Variants in AGPS observed in about 807,000 individuals in gnomAD.
AGPS encodes alkyldihydroxyacetonephosphate synthase, peroxisomal.
In AGPS, 26 loss-of-function variants were observed where a neutral mutation model predicts 90.7. That is an observed-to-expected ratio of 0.29 (90% CI 0.21 to 0.40). The LOEUF is 0.40. Among genes scored for constraint, AGPS ranks in the 10% least tolerant of loss-of-function variants. The pLI is 1.00. For missense variants in AGPS, 540 were observed against 816.1 expected (o/e 0.66, Z 4.12); for synonymous variants, 294 against 285.3 (o/e 1.03, Z -0.31).
At chr2:177,473,545 A>G (rs927387684) in intron 10 of AGPS, among the ~76,000 whole-genome samples, 4 of 152,232 alleles carry the variant, frequency 2.6e-5, no homozygotes, top group South Asian at 2.1e-4. Flanking sequence ...TTTGGAAACA[A>G]TTATACAAAG....
intron 3 of AGPS, among the ~76,000 whole-genome samples, chr2:177,434,997 G>GTATATATATATATATATA (rs1553509324): frequency 3.4e-4 from 44 of 128,114 alleles, no homozygotes; most frequent in South Asian, 7.7e-4. Flanking sequence ...TAAACTGTAG[G>GTATATATATATATATATA]TATATATATA....
At chr2:177,444,564 G>A (rs1318647633) in intron 7 of AGPS, among the ~76,000 whole-genome samples, 1 of 152,068 alleles carries the variant, frequency 6.6e-6, no homozygotes, top group Non-Finnish European at 1.5e-5. Context: ...TGTGAATTAA[G>A]CAGTGCAGTT....
chr2:177,448,119 T>G (rs1686830559), intron 8 of AGPS, among the ~76,000 whole-genome samples: 1 of 152,048 alleles, frequency 6.6e-6, no homozygotes, highest in African/African-American at 2.4e-5. Flanking sequence ...ACTAATAACC[T>G]CACATTATCT....
intron 14 of AGPS, among the ~76,000 whole-genome samples, chr2:177,500,020 A>G (rs77513622): frequency 1.3e-5 from 2 of 152,020 alleles, no homozygotes; most frequent in Non-Finnish European, 2.9e-5. Context: ...TTTTTACATT[A>G]ATGTCAATTT....
intron 10 of AGPS, among the ~76,000 whole-genome samples, chr2:177,473,297 C>T (rs1405451085): frequency 6.6e-6 from 1 of 152,108 alleles, no homozygotes; most frequent in East Asian, 1.9e-4. Context: ...AATCAAATGC[C>T]TGCTGTGCTT....
intron 17 of AGPS, among the ~76,000 whole-genome samples, chr2:177,515,696 A>G (rs914463433): frequency 9.9e-5 from 15 of 152,200 alleles, no homozygotes; most frequent in Non-Finnish European, 1.5e-4. Context: ...TAGAATTAGT[A>G]TATTTAGACT....
intron 1 of AGPS, among the ~76,000 whole-genome samples, chr2:177,397,936 C>T (rs1685231882): frequency 6.6e-6 from 1 of 151,996 alleles, no homozygotes; most frequent in Non-Finnish European, 1.5e-5. Flanking sequence ...GAGGCTGAGG[C>T]GGGAGGATTG....
At position 177,539,914 on chromosome 2, in the gene AGPS, G is replaced by A. The variant is rs182366015; in HGVS notation, c.*1719G>A. 982 of 151,184 alleles carry A rather than the reference G, an allele frequency of 6.5e-3. 9 individuals are homozygous for A. The highest frequency in any genetic ancestry group is 0.023 in the African/African-American group (941 of 41,090). 9.4% of individuals were successfully genotyped at this position (151,184 alleles called of 1,614,324 possible). A position where few individuals can be genotyped will look rare whatever the true frequency, so the allele number is the denominator to read the frequency against. On this transcript the variant is annotated 3_prime_UTR_variant, in exon 20 of 20. Transcript: ENST00000264167. ...TTTGACCTAGTTGGACACTTGATGA[G>A]GAAGTTGCCTCTAGAATTATAAAAA... is the stretch of plus-strand genomic sequence containing the variant.
intron 14 of AGPS, among the ~76,000 whole-genome samples, chr2:177,503,882 C>T (rs1688633306): frequency 6.6e-6 from 1 of 152,034 alleles, no homozygotes; most frequent in African/African-American, 2.4e-5. Context: ...TGGTTTGTCT[C>T]CCTGGATCCT....
At position 177,534,008 on chromosome 2, in the gene AGPS, A is replaced by G. The variant is rs573712051; in HGVS notation, c.1856-4066A>G. 5.4e-4 allele frequency among the ~76,000 whole-genome samples: 83 copies of G among 152,342 alleles called. 1 individual carries two copies. In the Middle Eastern group the frequency reaches 0.01, roughly 19 times the overall value. On this transcript the variant is annotated intron_variant, in intron 19 of 19. Transcript: ENST00000264167. ...ATCTTCTAAATGTATGGCCCATTTCATAATTTGTTCTTTTTAATAAGTCTA... is the reference window on the plus strand; with the variant it reads ...ATCTTCTAAATGTATGGCCCATTTCGTAATTTGTTCTTTTTAATAAGTCTA...
chr2:177,500,884 G>A (rs1373127671), intron 14 of AGPS, among the ~76,000 whole-genome samples: 1 of 151,992 alleles, frequency 6.6e-6, no homozygotes, highest in Non-Finnish European at 1.5e-5. Flanking sequence ...TGAATTTCAG[G>A]TCATCTCATT....
intron 2 of AGPS, among the ~76,000 whole-genome samples, chr2:177,427,675 C>T (rs60670838): frequency 0.11 from 17,026 of 151,984 alleles, 1,223 homozygotes; most frequent in East Asian, 0.34. Context: ...TGATTCTAAC[C>T]TGATTGTGTT....
chr2:177,534,853 C>T (rs910193340), intron 19 of AGPS, among the ~76,000 whole-genome samples: 1 of 151,242 alleles, frequency 6.6e-6, no homozygotes, highest in African/African-American at 2.4e-5. Flanking sequence ...CCCACCTCAG[C>T]CTCCCAAAAT....
chr2:177,462,956 C>T (rs1687344325), intron 9 of AGPS, among the ~76,000 whole-genome samples: 1 of 152,116 alleles, frequency 6.6e-6, no homozygotes, highest in Non-Finnish European at 1.5e-5. Context: ...TTCAACTCTA[C>T]CGTGATTTTA....
At chr2:177,502,581 T>C (rs1688592772) in intron 14 of AGPS, among the ~76,000 whole-genome samples, 1 of 151,704 alleles carries the variant, frequency 6.6e-6, no homozygotes, top group East Asian at 1.9e-4. Context: ...CATGCCTGGC[T>C]AATTTTTGTG....
rs189520134 is a variant in AGPS at position 177,480,921 on chromosome 2, A to G, written c.1106-1138A>G. ...CTATTTTGTATTAAAATATTTATCA[A>G]GCCAAACTTGCAGAGCTTTTATGAT... On this transcript the variant is annotated intron_variant, in intron 10 of 19. Transcript: ENST00000264167. Among the ~76,000 whole-genome samples the G allele has an allele frequency of 4.7e-3, 719 of 152,234 alleles. 6 individuals are homozygous for G. Among genetic ancestry groups the G allele is most frequent in the African/African-American group, 0.016 (651 of 41,566 alleles).
chr2:177,501,446 G>A (rs1419638784), intron 14 of AGPS, among the ~76,000 whole-genome samples: 1 of 152,068 alleles, frequency 6.6e-6, no homozygotes, highest in Non-Finnish European at 1.5e-5. Flanking sequence ...TATAGGGCAT[G>A]ACCTATCTTT....
intron 13 of AGPS, among the ~76,000 whole-genome samples, 154 bp downstream of exon 13, chr2:177,497,919 T>C (rs1189785694): frequency 6.6e-6 from 1 of 151,880 alleles, no homozygotes; most frequent in Non-Finnish European, 1.5e-5. Context: ...ATTAAGTAAA[T>C]CAGGCAGTCA....
At chr2:177,461,768 A>G (rs879248249) in intron 8 of AGPS, 125 bp from the exon 9 acceptor site, 10 of 563,734 alleles carry the variant, frequency 1.8e-5, no homozygotes, top group South Asian at 1.7e-4. Flanking sequence ...TTTTTTTGCT[A>G]TGTAGGAATT....
Sources: gnomAD v4.1 joint callset for allele counts (sites outside exome capture counted in the v4.1 genomes callset) on GRCh38, gnomAD v4.1.1 for gene constraint, MANE v1.5 for transcripts, NCBI Gene and HGNC (gene_info 2026-07-23, HGNC 2026-07-21) for gene names.